MED27: variants seen among roughly 807,000 people sequenced by gnomAD.
MED27 encodes the protein mediator of RNA polymerase II transcription subunit 27.
In MED27, 30 loss-of-function variants were observed where a neutral mutation model predicts 38.2. The ratio of observed to expected loss-of-function variants is 0.79; its 90% confidence interval spans 0.59 to 1.07. The LOEUF (loss-of-function observed/expected upper bound fraction) is 1.07, where lower values mean the gene tolerates loss of function less well. Ranked by LOEUF, MED27 falls within the 50% of genes least tolerant of loss-of-function variation. The pLI, the probability that MED27 is intolerant of heterozygous loss-of-function variation, is 0.00. For missense variants in MED27, 289 were observed against 397.5 expected (o/e 0.73, Z 2.32); for synonymous variants, 122 against 153.5 (o/e 0.79, Z 1.52).
chr9:131,884,605 C>CTTTT (rs11331082), intron 5 of MED27, among the ~76,000 whole-genome samples: 2 of 122,678 alleles, frequency 1.6e-5, no homozygotes, highest in African/African-American at 3.2e-5. Flanking sequence ...ATTCTCTTTA[C>CTTTT]TTTTTTTTTT....
intron 5 of MED27, among the ~76,000 whole-genome samples, chr9:131,888,556 A>T (rs182267278): frequency 2.0e-5 from 3 of 152,370 alleles, no homozygotes; most frequent in African/African-American, 7.2e-5. Flanking sequence ...ACATTTTGGC[A>T]GCTTATCAGA....
intron 3 of MED27, among the ~76,000 whole-genome samples, chr9:131,968,471 CAAA>C (rs10556528): frequency 0.28 from 27,623 of 98,694 alleles, 2,977 homozygotes; most frequent in East Asian, 0.41. Context: ...GACCCTGTCT[CAAA>C]AAAAAAAAAA....
At position 131,883,209 on chromosome 9, in the gene MED27, G is replaced by C. The variant is rs1314419743; in HGVS notation, c.723+849C>G. On this transcript the variant is annotated intron_variant, in intron 6 of 7. Transcript: ENST00000292035. This position sits in a 1 kb window ranked among gnomAD's most constrained non-coding sequence, Gnocchi z 4.2. ...ACACCTGTTGTTGAGCTGGATGAGG[G>C]AATGAATGAGATGATGGCCAACTCT... 6.6e-6 allele frequency among the ~76,000 whole-genome samples: 1 copy of C among 152,150 alleles called. No homozygotes were observed. The highest frequency in any genetic ancestry group is 1.5e-5 in the Non-Finnish European group (1 of 68,038).
chr9:132,011,943 C>T (rs1320768696), intron 3 of MED27, among the ~76,000 whole-genome samples: 1 of 119,122 alleles, frequency 8.4e-6, no homozygotes, highest in Non-Finnish European at 1.8e-5. Context: ...GTGAACACCT[C>T]TCGCTCTTTT....
chr9:131,860,229 C>T lies in MED27; in HGVS notation c.*309G>A, dbSNP rs1049491807. 1.1e-5 allele frequency: 3 copies of T among 277,080 alleles called. No homozygotes were observed. Among genetic ancestry groups the T allele is most frequent in the Non-Finnish European group, 2.0e-5 (3 of 150,042 alleles). 17.2% of individuals were successfully genotyped at this position (277,080 alleles called of 1,614,324 possible). A position where few individuals can be genotyped will look rare whatever the true frequency, so the allele number is the denominator to read the frequency against. ...ACAAGGGCTCATTCCAGTAACAGCT[C>T]GCGGAGACGACAGACACCAGCACTG... On this transcript the variant is annotated 3_prime_UTR_variant, in exon 8 of 8. Transcript: ENST00000292035. This position sits in a 1 kb window ranked among gnomAD's most constrained non-coding sequence, Gnocchi z 5.8.
In MED27 at chr9:131,918,949, G is replaced by A. The variant is rs114510361; in HGVS notation, c.573+20432C>T. Among the ~76,000 whole-genome samples, 362 of 152,230 alleles carry A rather than the reference G, an allele frequency of 2.4e-3. 4 individuals carry two copies. The highest frequency in any genetic ancestry group is 7.7e-3 in the African/African-American group (318 of 41,526). ...GCCTCCTATTCTAATGAAAGTCACA[G>A]ACCCTCTCCCTCAGAAGAAGGCACA... On this transcript the variant is annotated intron_variant, in intron 4 of 7. Transcript: ENST00000292035.
intron 3 of MED27, among the ~76,000 whole-genome samples, chr9:131,954,252 C>T (rs1294617509): frequency 6.6e-6 from 1 of 152,176 alleles, no homozygotes. Flanking sequence ...GGGAGCTGAC[C>T]ACACTGGGAT....
rs185497599 is a variant in MED27, at chr9:132,056,704, C to T, written c.348+20738G>A. Among the ~76,000 whole-genome samples the T allele has an allele frequency of 6.6e-5, 10 of 152,252 alleles. No homozygotes were observed. In the East Asian group the frequency reaches 1.9e-3, roughly 29 times the overall value. Reference sequence around the variant, plus strand: ...TTTCACAGATTAGGAAAGGTATAGACACCGTGACAGAGGGCTCACACCTTG... The same window carrying T: ...TTTCACAGATTAGGAAAGGTATAGATACCGTGACAGAGGGCTCACACCTTG... On this transcript the variant is annotated intron_variant, in intron 2 of 7. Coordinates refer to ENST00000292035, the MANE Select transcript of MED27 (RefSeq NM_004269.4).
chr9:131,936,709 G>A (rs1830693072), intron 4 of MED27, among the ~76,000 whole-genome samples: 1 of 152,214 alleles, frequency 6.6e-6, no homozygotes, highest in South Asian at 2.1e-4. Context: ...CTGCCGGGCA[G>A]GTCAGATTAA....
Position 132,077,453 on chromosome 9 carries a change from A to G in MED27, c.337T>C (p.Trp113Arg). ...TACATCTCCCTTACCTTGTTTGACC[A>G]CTTATATGCTTGAAGGAGTTGACTA... ...LYSQLLQAYKWSNKLQYHAGL... is the reference protein window; with the variant it reads ...LYSQLLQAYKRSNKLQYHAGL... The change falls in exon 2 of 8, where the codon TGG becomes CGG. Residue 113 changes from tryptophan (W) to arginine (R), a missense_variant. By Grantham distance (101) the Trp-to-Arg change is moderately radical. Coordinates refer to ENST00000292035, the MANE Select transcript of MED27 (RefSeq NM_004269.4). 6.2e-7 allele frequency: 1 copy of G among 1,613,732 alleles called. No individual in the cohort carries two copies. Among genetic ancestry groups the G allele is most frequent in the Non-Finnish European group, 8.5e-7 (1 of 1,179,906 alleles).
Position 131,883,812 on chromosome 9 carries a change from C to A in MED27, c.723+246G>T. The stretch of plus-strand genomic sequence containing the variant: ...TAAAGAATATTCCCACCACCCCACA[C>A]TCCCTTGTGCCCCTTTGGGGCCAAG... On this transcript the variant is annotated intron_variant, in intron 6 of 7. Transcript: ENST00000292035. The surrounding 1 kb of genome is among the most constrained non-coding windows in gnomAD (Gnocchi z 4.2). Among the ~76,000 whole-genome samples, 1 of 152,328 alleles carries A rather than the reference C, an allele frequency of 6.6e-6. No homozygotes were observed. Among genetic ancestry groups the A allele is most frequent in the Non-Finnish European group, 1.5e-5 (1 of 68,034 alleles).
At chr9:131,926,848 T>C (rs1470440084) in intron 4 of MED27, among the ~76,000 whole-genome samples, 1 of 152,236 alleles carries the variant, frequency 6.6e-6, no homozygotes, top group Non-Finnish European at 1.5e-5. Context: ...GTTTCATCCT[T>C]TGCAAATCAA....
intron 4 of MED27, among the ~76,000 whole-genome samples, chr9:131,896,708 A>G (rs1488899638): frequency 6.6e-6 from 1 of 152,010 alleles, no homozygotes; most frequent in Non-Finnish European, 1.5e-5. Flanking sequence ...CATCGTTATA[A>G]TGAAACTATA....
chr9:132,057,291 T>A (rs1004459458), intron 2 of MED27, among the ~76,000 whole-genome samples: 1 of 152,234 alleles, frequency 6.6e-6, no homozygotes, highest in East Asian at 1.9e-4. Flanking sequence ...TGTGTCCTCC[T>A]GTAGCCTTAG....
At chr9:131,986,615 G>GTAGCCTAGGAGTAACAGGCTACACCTTA (rs1831855707) in intron 3 of MED27, among the ~76,000 whole-genome samples, 1 of 152,154 alleles carries the variant, frequency 6.6e-6, no homozygotes, top group South Asian at 2.1e-4. Flanking sequence ...GTAGAGGTTT[G>GTAGCCTAGGAGTAACAGGCTACACCTTA]TAGCCTAGGA....
chr9:132,042,029 G>A (rs1833225641), intron 2 of MED27, among the ~76,000 whole-genome samples: 1 of 152,198 alleles, frequency 6.6e-6, no homozygotes, highest in African/African-American at 2.4e-5. Context: ...GAGAACCAGG[G>A]GAGGTGACAA....
At chr9:132,010,257 C>T (rs961056104) in intron 3 of MED27, among the ~76,000 whole-genome samples, 31 of 152,180 alleles carry the variant, frequency 2.0e-4, no homozygotes, top group Non-Finnish European at 4.0e-4. Flanking sequence ...AAGACATTTA[C>T]GCAGCCAACA....
chr9:131,970,642 T>G (rs1487362308), intron 3 of MED27, among the ~76,000 whole-genome samples: 1 of 152,234 alleles, frequency 6.6e-6, no homozygotes, highest in African/African-American at 2.4e-5. Context: ...GGAATAGACG[T>G]TCTCAGAAGC....
At chr9:131,975,504 T>C (rs1831585249) in intron 3 of MED27, among the ~76,000 whole-genome samples, 1 of 152,238 alleles carries the variant, frequency 6.6e-6, no homozygotes, top group Non-Finnish European at 1.5e-5. Context: ...GTGAATATCA[T>C]CTCGCTGGGT....
Sources: allele counts gnomAD v4.1 joint callset (sites outside exome capture counted in the v4.1 genomes callset), GRCh38; gene constraint gnomAD v4.1.1; non-coding constraint Gnocchi (gnomAD v3.1); transcripts MANE v1.5; gene names NCBI Gene and HGNC (gene_info 2026-07-23, HGNC 2026-07-21).